ABL1: variants seen among roughly 807,000 people sequenced by gnomAD.
ABL1 encodes the protein ABL proto-oncogene 1, non-receptor tyrosine kinase, also known as tyrosine-protein kinase ABL1.
Under a neutral mutation model 94.7 loss-of-function variants are expected in ABL1, and 11 were observed. That is an observed-to-expected ratio of 0.12 (90% confidence interval 0.07 to 0.19). The LOEUF (loss-of-function observed/expected upper bound fraction) is 0.19. ABL1 is among the 10% of genes least tolerant of loss of function. The pLI, the probability that ABL1 is intolerant of heterozygous loss-of-function variation, is 1.00. For missense variants in ABL1, 1,082 were observed against 1,489.4 expected (o/e 0.73, Z 4.50); for synonymous variants, 656 against 622.4 (o/e 1.05, Z -0.80).
chr9:130,822,820 T>TG, intron 1 of ABL1, among the ~76,000 whole-genome samples: 1 of 151,806 alleles, frequency 6.6e-6, no homozygotes, highest in Non-Finnish European at 1.5e-5. Context: ...TTTTTCGAGA[T>TG]GGAGTCTCGC....
chr9:130,732,811 C>T (rs561037896), intron 1 of ABL1, among the ~76,000 whole-genome samples: 2 of 151,026 alleles, frequency 1.3e-5, no homozygotes, highest in African/African-American at 4.9e-5. Context: ...GTCTGTTCTT[C>T]AGAGGAGCAA....
chr9:130,820,145 C>A (rs903268935), intron 1 of ABL1, among the ~76,000 whole-genome samples: 1 of 152,082 alleles, frequency 6.6e-6, no homozygotes, highest in Non-Finnish European at 1.5e-5. Context: ...TGTTTACTAC[C>A]TAGACATTTT....
chr9:130,838,762 GT>G (rs1194948028), intron 1 of ABL1, among the ~76,000 whole-genome samples: 2 of 152,090 alleles, frequency 1.3e-5, no homozygotes, highest in African/African-American at 4.8e-5. Context: ...TGAATTCAGG[GT>G]TTTCTTTTCA....
In ABL1 at chr9:130,752,814, C is replaced by T. The variant is rs988057704; in HGVS notation, c.136+38359C>T. On this transcript the variant is annotated intron_variant, in intron 1 of 10. Coordinates refer to the ABL1 transcript ENST00000372348. Reference sequence around the variant, plus strand: ...TCCCTACTAAAAATACAAAAAATAGCTGAACGTGGTGGCGAACACCTGTAA... The same window carrying T: ...TCCCTACTAAAAATACAAAAAATAGTTGAACGTGGTGGCGAACACCTGTAA... 3.3e-5 allele frequency among the ~76,000 whole-genome samples: 5 copies of T among 152,158 alleles called. No homozygotes were observed. The Middle Eastern group carries it at 0.01, about 311-fold the overall frequency.
Position 130,813,207 on chromosome 9 carries a change from G to A in ABL1, c.137-40857G>A, listed in dbSNP as rs116010908. On this transcript the variant is annotated intron_variant, in intron 1 of 10. Transcript: ENST00000372348. ...TCCAGCTGGGCAACAGTGAGACTCCGTCTCGAAAAAAACAAACAAACAAAA... is the reference window on the plus strand; with the variant it reads ...TCCAGCTGGGCAACAGTGAGACTCCATCTCGAAAAAAACAAACAAACAAAA... Among the ~76,000 whole-genome samples, 886 of 150,088 alleles carry A rather than the reference G, an allele frequency of 5.9e-3. 12 individuals carry two copies. Among genetic ancestry groups the A allele is most frequent in the African/African-American group, 0.02 (832 of 40,926 alleles).
Position 130,885,084 on chromosome 9 carries a change from A to T in ABL1, c.2794A>T (p.Thr932Ser). Residue 932 changes from threonine to serine, a missense_variant, in exon 11 of 11, where the codon ACA (threonine) becomes TCA (serine). Transcript: ENST00000318560. ...CGGGGAGGCAGTCCTGGGCGCAAAG[A>T]CAAAAGCCACGAGTCTGGTTGATGC... is the stretch of plus-strand genomic sequence containing the variant. ...AAGEAVLGAK[T>S]KATSLVDAVN... The T allele has an allele frequency of 6.2e-7, 1 of 1,610,106 alleles. No individual in the cohort carries two copies. Among genetic ancestry groups the T allele is most frequent in the Admixed American group, 1.7e-5 (1 of 59,744 alleles).
chr9:130,783,696 C>T (rs1262446756), intron 1 of ABL1, among the ~76,000 whole-genome samples: 1 of 151,974 alleles, frequency 6.6e-6, no homozygotes, highest in Admixed American at 6.5e-5. Context: ...CGCTCTGTCG[C>T]CCAGGCTGGA....
chr9:130,864,277 A>C (rs1053922013), intron 4 of ABL1, among the ~76,000 whole-genome samples: 7 of 151,850 alleles, frequency 4.6e-5, no homozygotes, highest in Non-Finnish European at 1.0e-4. Flanking sequence ...ACGGAGTCTT[A>C]CTCTGTTGCC....
intron 1 of ABL1, among the ~76,000 whole-genome samples, chr9:130,848,529 A>AG (rs1297297638): frequency 1.3e-5 from 2 of 151,926 alleles, no homozygotes; most frequent in Non-Finnish European, 2.9e-5. Context: ...AAAAAAAAAA[A>AG]AAAAAAATTT....
intron 1 of ABL1, among the ~76,000 whole-genome samples, chr9:130,786,777 A>G (rs1380184661): frequency 1.3e-5 from 2 of 152,212 alleles, no homozygotes; most frequent in Non-Finnish European, 2.9e-5. Context: ...ACAGTACTGC[A>G]ATGAAGATAT....
At chr9:130,788,368 C>T (rs551774183) in intron 1 of ABL1, among the ~76,000 whole-genome samples, 33 of 152,174 alleles carry the variant, frequency 2.2e-4, no homozygotes, top group African/African-American at 4.3e-4. Flanking sequence ...ATTTGTTTTT[C>T]GGAATCATTT....
rs555855497 is a variant in ABL1, at chr9:130,835,428, G to T, written c.-19G>T. On this transcript the variant is annotated 5_prime_UTR_variant, in exon 1 of 11. Coordinates refer to ENST00000318560, the MANE Select transcript of ABL1 (RefSeq NM_005157.6). The surrounding 1 kb of genome is among the most constrained non-coding windows in gnomAD (Gnocchi z 4.6). ...AGCTGGGAGAGGGGTTCCGGCCCCC[G>T]ACGTGCTGGCGCGGGAAAATGTTGG... 65 of 1,368,258 alleles carry T rather than the reference G, an allele frequency of 4.8e-5. No individual in the cohort carries two copies. The African/African-American group carries it at 1.9e-3, about 41-fold the overall frequency. The allele number at this position is 1,368,258 out of a possible 1,614,324, so 84.8% of individuals were successfully genotyped here.
rs144260734 is a variant in ABL1, at chr9:130,884,171, G to A, written c.1881G>A (p.Gln627=). The change falls in exon 11 of 11, where the codon CAG becomes CAA. Residue 627 remains glutamine, a synonymous_variant. Coordinates refer to ENST00000318560, the MANE Select transcript of ABL1 (RefSeq NM_005157.6). This position sits in a 1 kb window ranked among gnomAD's most constrained non-coding sequence, Gnocchi z 5.6. The part of the protein sequence containing the change: ...RSSSFREMDG[Q]PERRGAGEEE... ...GCTCCTTCCGGGAGATGGACGGCCA[G>A]CCGGAGCGCAGAGGGGCCGGCGAGG... is the stretch of plus-strand genomic sequence containing the variant. The A allele has an allele frequency of 1.2e-6, 2 of 1,613,002 alleles. No individual in the cohort carries two copies. Among genetic ancestry groups the A allele is most frequent in the Non-Finnish European group, 1.7e-6 (2 of 1,179,932 alleles).
At chr9:130,778,343 A>G (rs1457160703) in intron 1 of ABL1, among the ~76,000 whole-genome samples, 1 of 151,240 alleles carries the variant, frequency 6.6e-6, no homozygotes, top group African/African-American at 2.4e-5. Flanking sequence ...GAGCAGGGGA[A>G]TTGAGGAACC....
At chr9:130,881,499 G>C (rs1831452758) in intron 10 of ABL1, among the ~76,000 whole-genome samples, 1 of 152,230 alleles carries the variant, frequency 6.6e-6, no homozygotes, top group South Asian at 2.1e-4. Flanking sequence ...GCAGGCAAGA[G>C]AGCTTGTGCA....
chr9:130,879,397 C>T (rs762406880), intron 8 of ABL1, among the ~76,000 whole-genome samples: 18 of 152,274 alleles, frequency 1.2e-4, no homozygotes, highest in Middle Eastern at 3.4e-3. Flanking sequence ...CTCATTCATC[C>T]GGTCCTCTTT....
intron 6 of ABL1, among the ~76,000 whole-genome samples, chr9:130,873,946 C>G (rs558177658): frequency 6.6e-6 from 1 of 152,358 alleles, no homozygotes; most frequent in South Asian, 2.1e-4. Flanking sequence ...CCAGATACTC[C>G]TGGCTTTCAG....
chr9:130,742,910 A>G (rs762619590), intron 1 of ABL1, among the ~76,000 whole-genome samples: 1 of 152,162 alleles, frequency 6.6e-6, no homozygotes, highest in Non-Finnish European at 1.5e-5. Context: ...AATAAATTGC[A>G]TTGTAAATAT....
chr9:130,826,871 G>A (rs1830432802), intron 1 of ABL1, among the ~76,000 whole-genome samples: 2 of 152,276 alleles, frequency 1.3e-5, no homozygotes, highest in African/African-American at 4.8e-5. Context: ...AAGGTCAGGA[G>A]ATCGAGACCA....
Sources: gnomAD v4.1 joint callset for allele counts (sites outside exome capture counted in the v4.1 genomes callset) on GRCh38, gnomAD v4.1.1 for gene constraint, Gnocchi (gnomAD v3.1) non-coding constraint, MANE v1.5 for transcripts, NCBI Gene and HGNC (gene_info 2026-07-23, HGNC 2026-07-21) for gene names.